CENPP: variants seen among roughly 807,000 people sequenced by gnomAD.
CENPP encodes the protein centromere protein P.
CENPP carries 24 observed loss-of-function variants against 35.6 expected under a neutral mutation model. That is an observed-to-expected ratio of 0.67 (90% confidence interval 0.49 to 0.95). CENPP has a LOEUF of 0.95. Among genes scored for constraint, CENPP ranks in the 40% least tolerant of loss-of-function variants. The pLI is 0.00. For missense variants in CENPP, 332 were observed against 345.3 expected, an observed-to-expected ratio of 0.96 and a Z score of 0.31; for synonymous variants, 120 against 125.5, an observed-to-expected ratio of 0.96 and a Z score of 0.29.
chr9:92,505,024 G>A (rs1385537521), intron 5 of CENPP, among the ~76,000 whole-genome samples: 1 of 152,200 alleles, frequency 6.6e-6, no homozygotes, highest in African/African-American at 2.4e-5. Context: ...TAGGAACTGG[G>A]TGAAAACTTG....
At chr9:92,566,093 G>T (rs1256659416) in intron 5 of CENPP, among the ~76,000 whole-genome samples, 2 of 152,032 alleles carry the variant, frequency 1.3e-5, no homozygotes, top group Non-Finnish European at 2.9e-5. Context: ...ACGAGGTCAG[G>T]AGTTTGAGAC....
chr9:92,583,712 G>A (rs780299693), intron 5 of CENPP, among the ~76,000 whole-genome samples: 6 of 150,874 alleles, frequency 4.0e-5, no homozygotes, highest in Admixed American at 6.6e-5. Context: ...GAGTTGTTTT[G>A]CTTTCAAAAT....
intron 5 of CENPP, among the ~76,000 whole-genome samples, chr9:92,479,363 G>A (rs922836329): frequency 3.9e-5 from 6 of 152,150 alleles, no homozygotes; most frequent in African/African-American, 1.4e-4. Context: ...GGAGACTTCT[G>A]CCTGCAAGTT....
intron 5 of CENPP, among the ~76,000 whole-genome samples, chr9:92,508,202 G>A (rs1847119568): frequency 6.6e-6 from 1 of 152,184 alleles, no homozygotes; most frequent in African/African-American, 2.4e-5. Flanking sequence ...GCACCCGAGG[G>A]GCCAGTACTG....
At chr9:92,503,353 C>G (rs774327778) in intron 5 of CENPP, among the ~76,000 whole-genome samples, 1 of 152,192 alleles carries the variant, frequency 6.6e-6, no homozygotes, top group Non-Finnish European at 1.5e-5. Context: ...GAAGCCCACC[C>G]GTGGTTACAT....
At chr9:92,580,600 G>A (rs540266737) in intron 5 of CENPP, among the ~76,000 whole-genome samples, 60 of 152,302 alleles carry the variant, frequency 3.9e-4, no homozygotes, top group African/African-American at 1.4e-3. Flanking sequence ...AGAGGTGTTT[G>A]CAGTATTCTC....
chr9:92,545,234 C>G (rs545361727), intron 5 of CENPP, among the ~76,000 whole-genome samples: 2 of 152,054 alleles, frequency 1.3e-5, no homozygotes, highest in East Asian at 3.9e-4. Context: ...CTGGGATGGC[C>G]GAGGCCGGAG....
intron 5 of CENPP, among the ~76,000 whole-genome samples, chr9:92,554,507 G>A (rs1849679441): frequency 6.6e-6 from 1 of 152,120 alleles, no homozygotes; most frequent in African/African-American, 2.4e-5. Context: ...TGCTTATGTG[G>A]TGTATCACGT....
chr9:92,536,560 A>G (rs966141214), intron 5 of CENPP: 1 of 152,674 alleles, frequency 6.5e-6, no homozygotes, highest in Non-Finnish European at 1.5e-5. Flanking sequence ...ATGAAATAAT[A>G]GAAAGAAAAT....
intron 5 of CENPP, chr9:92,512,127 C>G: frequency 6.2e-7 from 1 of 1,610,362 alleles, no homozygotes; most frequent in Non-Finnish European, 8.5e-7. Flanking sequence ...ATGGAATTGC[C>G]TAGGACACAC....
chr9:92,497,912 A>G (rs1384405848), intron 5 of CENPP, among the ~76,000 whole-genome samples: 4 of 148,534 alleles, frequency 2.7e-5, no homozygotes, highest in Non-Finnish European at 5.9e-5. Context: ...GCACCTCCCC[A>G]TTCTTTTTTG....
At chr9:92,544,976 C>G (rs1338325295) in intron 5 of CENPP, among the ~76,000 whole-genome samples, 3 of 152,134 alleles carry the variant, frequency 2.0e-5, no homozygotes, top group African/African-American at 7.2e-5. Flanking sequence ...CCCGCCTCAG[C>G]CCGCTCCAGA....
chr9:92,502,423 A>T, intron 5 of CENPP: 4 of 1,486,858 alleles, frequency 2.7e-6, no homozygotes, highest in Non-Finnish European at 3.7e-6. Context: ...CACCTCCCTC[A>T]CTTATCCCAT....
At chr9:92,586,699 T>A (rs976753192) in intron 5 of CENPP, among the ~76,000 whole-genome samples, 16 of 152,058 alleles carry the variant, frequency 1.1e-4, no homozygotes, top group East Asian at 3.9e-4. Flanking sequence ...TTTTTTTTTT[T>A]ATTTTCTTTG....
intron 5 of CENPP, among the ~76,000 whole-genome samples, chr9:92,479,442 T>G (rs1207375295): frequency 6.6e-6 from 1 of 152,160 alleles, no homozygotes; most frequent in Non-Finnish European, 1.5e-5. Context: ...GCAGCCACTT[T>G]TATATAGTAG....
intron 4 of CENPP, 50 bp from the exon 5 acceptor site, chr9:92,379,713 G>A (rs1323754455): frequency 9.7e-6 from 13 of 1,336,968 alleles, no homozygotes; most frequent in African/African-American, 2.9e-5. Flanking sequence ...GCTAGATTGG[G>A]TCTATCATTT....
At chr9:92,467,873 CCTCGTTT>C (rs1203990637) in intron 5 of CENPP, among the ~76,000 whole-genome samples, 1 of 152,146 alleles carries the variant, frequency 6.6e-6, no homozygotes, top group Non-Finnish European at 1.5e-5. Flanking sequence ...GGTAAAATAT[CCTCGTTT>C]GTGAGTGTGT....
At chr9:92,394,239 T>C (rs947505641) in intron 5 of CENPP, among the ~76,000 whole-genome samples, 1 of 152,068 alleles carries the variant, frequency 6.6e-6, no homozygotes, top group African/African-American at 2.4e-5. Flanking sequence ...TATTTTATTA[T>C]TTTATTTACT....
intron 5 of CENPP, among the ~76,000 whole-genome samples, chr9:92,399,765 C>A (rs1588099295): frequency 6.6e-6 from 1 of 152,102 alleles, no homozygotes; most frequent in Non-Finnish European, 1.5e-5. Flanking sequence ...ACCATTTTTG[C>A]TTCAGTGATT....
Sources: gnomAD v4.1 joint callset for allele counts (sites outside exome capture counted in the v4.1 genomes callset) on GRCh38, gnomAD v4.1.1 for gene constraint, MANE v1.5 for transcripts, NCBI Gene and HGNC (gene_info 2026-07-23, HGNC 2026-07-21) for gene names.